TCF4: variants seen among roughly 807,000 people sequenced by gnomAD.
The protein encoded by TCF4 is transcription factor 4, also known as SL3-3 enhancer factor 2.
Under a neutral mutation model 82.1 loss-of-function variants are expected in TCF4, and 3 were observed. The ratio of observed to expected loss-of-function variants is 0.04; its 90% CI spans 0.02 to 0.09. The LOEUF (loss-of-function observed/expected upper bound fraction) is 0.09. Among genes scored for constraint, TCF4 ranks in the 10% least tolerant of loss-of-function variants. TCF4 has a pLI of 1.00. For synonymous variants in TCF4, 276 were observed against 309.6 expected, an observed-to-expected ratio of 0.89 and a Z score of 1.14; for missense variants, 518 against 852.7, an observed-to-expected ratio of 0.61 and a Z score of 4.89.
At position 55,545,285 on chromosome 18, in the gene TCF4, A is replaced by G. The variant is rs2097196460; in HGVS notation, c.145+39995T>C. ...GTATGCATACATAAAATTCTCCTCC[A>G]CATCCGTCTATGTAAACATTTTTTT... On this transcript the variant is annotated intron_variant, in intron 3 of 19. Coordinates refer to ENST00000354452, the MANE Select transcript of TCF4 (RefSeq NM_001083962.2). 2.0e-5 allele frequency among the ~76,000 whole-genome samples: 3 copies of G among 152,242 alleles called. No individual in the cohort carries two copies. The South Asian group carries it at 6.2e-4, about 32-fold the overall frequency.
rs142034503 is a variant in TCF4, at chr18:55,596,281, TATGGCAC to T, written c.287-9152_287-9146del. 2,085 of 306,902 alleles carry T rather than the reference TATGGCAC, an allele frequency of 6.8e-3. 14 individuals carry two copies. The highest frequency in any genetic ancestry group is 0.011 in the Non-Finnish European group (1,747 of 154,202). 19.0% of individuals were successfully genotyped at this position (306,902 alleles called of 1,614,324 possible). ...CATTGCATTGGCTGTCACTTAAAGC[TATGGCAC>T]ATGTCACTGAGCTGTAAGCAGAAGC... On this transcript the variant is annotated intron_variant, in intron 2 of 20. Transcript: ENST00000398339.
intron 3 of TCF4, among the ~76,000 whole-genome samples, chr18:55,556,284 A>T (rs546630959): frequency 6.6e-6 from 1 of 152,332 alleles, no homozygotes; most frequent in Non-Finnish European, 1.5e-5. Flanking sequence ...ATAGTGTTTA[A>T]GAACTATGAT....
chr18:55,223,811 A>C lies in TCF4; in HGVS notation c.*4224T>G, dbSNP rs1413000134. 6.6e-6 allele frequency: 1 copy of C among 152,380 alleles called. No homozygotes were observed. The highest frequency in any genetic ancestry group is 6.6e-5 in the Admixed American group (1 of 15,256). 9.4% of individuals were successfully genotyped at this position (152,380 alleles called of 1,614,324 possible). A position where few individuals can be genotyped will look rare whatever the true frequency, so the allele number is the denominator to read the frequency against. ...CGACCTACAACTAAAAACAAAAACA[A>C]AAACAAAAACAAAACAAAAAACAAA... is the stretch of plus-strand genomic sequence containing the variant. On this transcript the variant is annotated 3_prime_UTR_variant, in exon 20 of 20. Coordinates refer to ENST00000354452, the MANE Select transcript of TCF4 (RefSeq NM_001083962.2).
intron 15 of TCF4, among the ~76,000 whole-genome samples, chr18:55,248,483 T>A (rs1464475212): frequency 1.3e-5 from 2 of 152,178 alleles, no homozygotes; most frequent in Non-Finnish European, 2.9e-5. Context: ...TATGTACCAA[T>A]AACTGCCACA....
chr18:55,241,862 A>G (rs2051338380), intron 15 of TCF4, among the ~76,000 whole-genome samples: 1 of 152,268 alleles, frequency 6.6e-6, no homozygotes, highest in African/African-American at 2.4e-5. Flanking sequence ...TTAAGGCTTC[A>G]GCCTGGCTCT....
chr18:55,434,830 T>C (rs2095295524), intron 5 of TCF4, among the ~76,000 whole-genome samples: 1 of 149,578 alleles, frequency 6.7e-6, no homozygotes, highest in Non-Finnish European at 1.5e-5. Context: ...AGTGGGTATA[T>C]ATGAGGTATA....
chr18:55,547,834 G>C (rs1051630300), intron 3 of TCF4, among the ~76,000 whole-genome samples: 18 of 152,178 alleles, frequency 1.2e-4, no homozygotes, highest in South Asian at 2.1e-4. Flanking sequence ...CAGTGATTCT[G>C]TGATATATAA....
intron 2 of TCF4, among the ~76,000 whole-genome samples, chr18:55,602,300 G>T (rs887801189): frequency 6.6e-6 from 1 of 152,136 alleles, no homozygotes; most frequent in Non-Finnish European, 1.5e-5. Flanking sequence ...TCAGAACCCC[G>T]GCTGTCTGGC....
intron 6 of TCF4, among the ~76,000 whole-genome samples, chr18:55,369,800 G>A (rs1180302726): frequency 6.6e-6 from 1 of 152,232 alleles, no homozygotes; most frequent in Non-Finnish European, 1.5e-5. Context: ...TCAAAATTCA[G>A]TAGCTTACTA....
At chr18:55,364,467 G>A (rs1028074668) in intron 6 of TCF4, among the ~76,000 whole-genome samples, 2 of 152,122 alleles carry the variant, frequency 1.3e-5, no homozygotes, top group Non-Finnish European at 2.9e-5. Context: ...AAATCATGAT[G>A]TTCATCAGAA....
intron 3 of TCF4, among the ~76,000 whole-genome samples, chr18:55,558,602 T>C (rs571007817): frequency 5.3e-5 from 8 of 152,336 alleles, no homozygotes; most frequent in Admixed American, 6.5e-5. Flanking sequence ...ATCCTGATTA[T>C]AAAAGTATAT....
At chr18:55,473,440 T>C (rs1057414983) in intron 3 of TCF4, among the ~76,000 whole-genome samples, 2 of 152,220 alleles carry the variant, frequency 1.3e-5, no homozygotes, top group African/African-American at 4.8e-5. Context: ...TGACTAATAT[T>C]GGTGAAGTCA....
At chr18:55,418,349 T>A (rs994891856) in intron 5 of TCF4, among the ~76,000 whole-genome samples, 1 of 152,146 alleles carries the variant, frequency 6.6e-6, no homozygotes, top group Non-Finnish European at 1.5e-5. Context: ...CACATTTTTT[T>A]CTGGTGGTCT....
intron 3 of TCF4, among the ~76,000 whole-genome samples, chr18:55,537,129 G>A (rs1412584872): frequency 6.9e-5 from 9 of 130,348 alleles, no homozygotes; most frequent in Admixed American, 1.6e-4. Context: ...GCGAGACTCC[G>A]TCTCGGAAAA....
At chr18:55,319,018 AG>A (rs919153963) in intron 8 of TCF4, among the ~76,000 whole-genome samples, 1 of 152,182 alleles carries the variant, frequency 6.6e-6, no homozygotes, top group Non-Finnish European at 1.5e-5. Context: ...AATTTAAACA[AG>A]TAATTGACTT....
At chr18:55,509,448 T>G (rs1255971767) in intron 3 of TCF4, among the ~76,000 whole-genome samples, 1 of 152,122 alleles carries the variant, frequency 6.6e-6, no homozygotes, top group Non-Finnish European at 1.5e-5. Context: ...TGAAAACTAC[T>G]CAGAAAATAT....
At chr18:55,416,192 G>A (rs760953594) in intron 5 of TCF4, among the ~76,000 whole-genome samples, 20 of 152,036 alleles carry the variant, frequency 1.3e-4, no homozygotes, top group African/African-American at 1.9e-4. Flanking sequence ...AGATGCAAAA[G>A]TCACAAATTG....
chr18:55,412,580 G>C (rs2094392168), intron 5 of TCF4, among the ~76,000 whole-genome samples: 1 of 152,012 alleles, frequency 6.6e-6, no homozygotes, highest in South Asian at 2.1e-4. Context: ...CATTTAAAAG[G>C]GTCCTTCTAC....
chr18:55,335,154 C>T (rs944091335), intron 8 of TCF4, among the ~76,000 whole-genome samples: 3 of 152,120 alleles, frequency 2.0e-5, no homozygotes, highest in Admixed American at 6.6e-5. Flanking sequence ...TTTATCCCGT[C>T]GTGTGTAGAT....
Sources: allele counts gnomAD v4.1 joint callset (sites outside exome capture counted in the v4.1 genomes callset), GRCh38; gene constraint gnomAD v4.1.1; transcripts MANE v1.5; gene names NCBI Gene and HGNC (gene_info 2026-07-23, HGNC 2026-07-21).